MOBP: variants seen among roughly 807,000 people sequenced by gnomAD.
The protein encoded by MOBP is myelin associated oligodendrocyte basic protein, also known as myelin-associated oligodendrocyte basic protein.
A neutral mutation model predicts 15.0 loss-of-function variants in MOBP; 5 were observed. That is an observed-to-expected ratio of 0.33 (90% CI 0.17 to 0.70). The LOEUF (loss-of-function observed/expected upper bound fraction) is 0.70, where lower values mean the gene tolerates loss of function less well. Among genes scored for constraint, MOBP ranks in the 30% least tolerant of loss-of-function variants. MOBP has a pLI of 0.67. For synonymous variants in MOBP, 88 were observed against 99.0 expected, an observed-to-expected ratio of 0.89 and a Z score of 0.66; for missense variants, 188 against 257.8, an observed-to-expected ratio of 0.73 and a Z score of 1.85.
At chr3:39,495,033 A>G (rs562545) in intron 2 of MOBP, among the ~76,000 whole-genome samples, 103,053 of 151,994 alleles carry the variant, frequency 0.68, 36,773 homozygotes, top group African/African-American at 0.91. Flanking sequence ...TCACCTGTGA[A>G]GTTGAGCTGT....
intron 1 of MOBP, among the ~76,000 whole-genome samples, chr3:39,467,949 T>C (rs1768190): frequency 0.74 from 112,040 of 152,012 alleles, 42,584 homozygotes; most frequent in African/African-American, 0.91. Context: ...CCTCCTGGAA[T>C]GTTCCTGCTA....
chr3:39,486,013 A>G (rs1231314850), intron 2 of MOBP, among the ~76,000 whole-genome samples: 2 of 152,206 alleles, frequency 1.3e-5, no homozygotes, highest in Non-Finnish European at 2.9e-5. Context: ...ATATGTTGGA[A>G]TATTTTCTTC....
chr3:39,492,911 CT>C (rs2042820698), intron 2 of MOBP, among the ~76,000 whole-genome samples: 1 of 152,196 alleles, frequency 6.6e-6, no homozygotes, highest in Non-Finnish European at 1.5e-5. Flanking sequence ...AAGACCTATT[CT>C]GCTTTCAAAA....
rs140389893 is a variant in MOBP, at chr3:39,469,208, G to A, written c.-89+1468G>A. On this transcript the variant is annotated intron_variant, in intron 1 of 3. Coordinates refer to ENST00000684792, the MANE Select transcript of MOBP (RefSeq NM_001393704.1). ...TGTGTGTGTATATACATATATACAT[G>A]TGTGTGTATATACATATATACATAT... 2.6e-3 allele frequency among the ~76,000 whole-genome samples: 304 copies of A among 116,456 alleles called. 51 individuals are homozygous for A. The highest frequency in any genetic ancestry group is 6.2e-3 in the African/African-American group (159 of 25,462). 76.4% of individuals were successfully genotyped at this position (116,456 alleles called of 152,430 possible).
At chr3:39,488,254 T>G (rs1256907212) in intron 2 of MOBP, among the ~76,000 whole-genome samples, 1 of 152,236 alleles carries the variant, frequency 6.6e-6, no homozygotes, top group Non-Finnish European at 1.5e-5. Context: ...TTCTCTCTTG[T>G]GATTTCTCAA....
downstream of MOBP, among the ~76,000 whole-genome samples, chr3:39,503,740 G>T (rs1311197402): frequency 6.6e-6 from 1 of 151,898 alleles, no homozygotes; most frequent in Non-Finnish European, 1.5e-5. Context: ...ATTTGGAACT[G>T]AATCTGTTTA....
chr3:39,488,714 T>A (rs2042751676), intron 2 of MOBP, among the ~76,000 whole-genome samples: 1 of 152,230 alleles, frequency 6.6e-6, no homozygotes, highest in African/African-American at 2.4e-5. Context: ...GGGCATTCGC[T>A]TAAGTCATAA....
chr3:39,511,326 A>G (rs1309675441), intron 4 of MOBP, among the ~76,000 whole-genome samples: 1 of 152,200 alleles, frequency 6.6e-6, no homozygotes, highest in Admixed American at 6.5e-5. Context: ...CAAACCCTAC[A>G]TGGCCCTGAA....
intron 1 of MOBP, among the ~76,000 whole-genome samples, chr3:39,471,319 C>T (rs542300327): frequency 2.6e-5 from 4 of 152,004 alleles, no homozygotes; most frequent in South Asian, 2.1e-4. Context: ...TTAGTAGAGA[C>T]GGGGTTTCAC....
chr3:39,503,094 T>C (rs998472989), downstream of MOBP: 10 of 488,078 alleles, frequency 2.0e-5, no homozygotes, highest in Non-Finnish European at 3.5e-5. Context: ...CTGTGGCCAT[T>C]GCTTCCGTTG....
downstream of MOBP, chr3:39,525,943 A>C (rs548436538): frequency 6.6e-6 from 1 of 152,202 alleles, no homozygotes; most frequent in Non-Finnish European, 1.5e-5. Flanking sequence ...TTCAGGTGCT[A>C]AATAAACAAC....
chr3:39,491,808 A>G (rs1001131514), intron 2 of MOBP, among the ~76,000 whole-genome samples: 3 of 152,214 alleles, frequency 2.0e-5, no homozygotes, highest in African/African-American at 7.2e-5. Context: ...AGAGGAAGCT[A>G]AGGAGGCAGA....
At position 39,502,353 on chromosome 3, in the gene MOBP, G is replaced by T; in HGVS notation, c.206+78G>T. 6.3e-7 allele frequency: 1 copy of T among 1,590,736 alleles called. No individual in the cohort carries two copies. Among genetic ancestry groups the T allele is most frequent in the Non-Finnish European group, 8.6e-7 (1 of 1,169,060 alleles). The stretch of plus-strand genomic sequence containing the variant: ...GCTCCCAGCACGCCCCTCCCGCTCC[G>T]CACCCCACTCTTCCCCCTAGTCGGC... On this transcript the variant is annotated intron_variant, in intron 3 of 3. Coordinates refer to ENST00000684792, the MANE Select transcript of MOBP (RefSeq NM_001393704.1). The surrounding 1 kb of genome is among the most constrained non-coding windows in gnomAD (Gnocchi z 6.3).
chr3:39,509,776 G>C (rs2043096045), intron 4 of MOBP, among the ~76,000 whole-genome samples: 1 of 151,640 alleles, frequency 6.6e-6, no homozygotes, highest in African/African-American at 2.4e-5. Flanking sequence ...TTTTATTTTT[G>C]ATACCCCAGT....
chr3:39,525,331 T>G (rs1245171106), downstream of MOBP: 1 of 152,248 alleles, frequency 6.6e-6, no homozygotes. Context: ...TTGTGGCTTC[T>G]GATGATTTCT....
chr3:39,503,206 C>T (rs958789050), downstream of MOBP, among the ~76,000 whole-genome samples: 2 of 152,152 alleles, frequency 1.3e-5, no homozygotes, highest in African/African-American at 2.4e-5. Context: ...AGGGAGATAA[C>T]GAATGGTGAC....
chr3:39,520,743 A>G (rs926651866), downstream of MOBP, among the ~76,000 whole-genome samples: 2 of 152,164 alleles, frequency 1.3e-5, no homozygotes. Context: ...CTCAAAAATC[A>G]TGCTGACAGG....
intron 1 of MOBP, among the ~76,000 whole-genome samples, chr3:39,469,443 A>ATTTATT (rs1317377759): frequency 6.7e-6 from 1 of 148,336 alleles, no homozygotes; most frequent in Admixed American, 6.7e-5. Context: ...ATTAATTAAA[A>ATTTATT]TTAGAAAATT....
chr3:39,501,693 A>T (rs538025966), intron 2 of MOBP, among the ~76,000 whole-genome samples: 20 of 152,222 alleles, frequency 1.3e-4, no homozygotes, highest in African/African-American at 2.4e-4. Context: ...ATAATAATAA[A>T]TTTTTTATTT....
Sources: allele counts gnomAD v4.1 joint callset (sites outside exome capture counted in the v4.1 genomes callset), GRCh38; gene constraint gnomAD v4.1.1; non-coding constraint Gnocchi (gnomAD v3.1); transcripts MANE v1.5; gene names NCBI Gene and HGNC (gene_info 2026-07-23, HGNC 2026-07-21).